Variants in PLD5 observed in about 807,000 individuals in gnomAD.
The protein encoded by PLD5 is phospholipase D family member 5.
PLD5 carries 36 observed loss-of-function variants against 61.1 expected under a neutral mutation model. That is an observed-to-expected ratio of 0.59 (90% CI 0.45 to 0.78). The LOEUF is 0.78. PLD5 is among the 30% of genes least tolerant of loss of function. PLD5 has a pLI of 0.00. For synonymous variants in PLD5, 243 were observed against 242.8 expected (o/e 1.00, Z -0.01); for missense variants, 515 against 644.4 (o/e 0.80, Z 2.17).
intron 1 of PLD5, among the ~76,000 whole-genome samples, chr1:242,475,296 G>A (rs1212988664): frequency 4.6e-5 from 7 of 151,856 alleles, no homozygotes; most frequent in African/African-American, 1.2e-4. Flanking sequence ...GGTGGCGGGC[G>A]CCTGTAGTCC....
intron 5 of PLD5, among the ~76,000 whole-genome samples, chr1:242,211,395 A>G (rs1433587554): frequency 6.6e-6 from 1 of 152,228 alleles, no homozygotes; most frequent in Non-Finnish European, 1.5e-5. Flanking sequence ...TTGTTTACTC[A>G]TGTGGTCCTA....
At chr1:242,293,893 T>G (rs1675508494) in intron 2 of PLD5, among the ~76,000 whole-genome samples, 1 of 152,194 alleles carries the variant, frequency 6.6e-6, no homozygotes, top group South Asian at 2.1e-4. Flanking sequence ...AGCTTTGAAA[T>G]GACTTATTTC....
chr1:242,465,385 T>G (rs1408799600), intron 1 of PLD5, among the ~76,000 whole-genome samples: 23 of 152,188 alleles, frequency 1.5e-4, no homozygotes. Flanking sequence ...CTTATCACCT[T>G]ATAACCTATA....
chr1:242,315,009 G>C (rs1676925017), intron 2 of PLD5, among the ~76,000 whole-genome samples: 1 of 152,134 alleles, frequency 6.6e-6, no homozygotes, highest in African/African-American at 2.4e-5. Flanking sequence ...TCCTTATTGT[G>C]TTCCCACACC....
At chr1:242,409,433 C>G (rs147482886) in intron 1 of PLD5, among the ~76,000 whole-genome samples, 3 of 151,500 alleles carry the variant, frequency 2.0e-5, no homozygotes, top group Admixed American at 6.6e-5. Context: ...GGAAAATTGT[C>G]CATGTTGCCT....
intron 2 of PLD5, among the ~76,000 whole-genome samples, chr1:242,299,612 T>G (rs2149158166): frequency 6.6e-6 from 1 of 152,308 alleles, no homozygotes; most frequent in African/African-American, 2.4e-5. Flanking sequence ...AAATTCTGGG[T>G]GTTTTTCCCC....
At chr1:242,411,399 C>A (rs1664549065) in intron 1 of PLD5, among the ~76,000 whole-genome samples, 1 of 152,272 alleles carries the variant, frequency 6.6e-6, no homozygotes, top group South Asian at 2.1e-4. Context: ...CCACGCCCGG[C>A]TAATTTTTTG....
rs374530055 is a variant in PLD5, at chr1:242,092,574, C to G, written c.1355-2464G>C. On this transcript the variant is annotated intron_variant, in intron 9 of 9. Coordinates refer to ENST00000536534, the MANE Select transcript of PLD5 (RefSeq NM_001372062.1). ...CTTCTTTGGGTAAGAGCTGATTCCA[C>G]AAAGGGAACTGGCAGGCTTTAGGTG... Among the ~76,000 whole-genome samples, 246 of 152,320 alleles carry G rather than the reference C, an allele frequency of 1.6e-3. 4 individuals carry two copies. The Middle Eastern group carries it at 0.017, about 11-fold the overall frequency.
rs1433102779 is a variant in PLD5, at chr1:242,088,335, C to A, written c.*1519G>T. 2.0e-5 allele frequency: 3 copies of A among 152,170 alleles called. No homozygotes were observed. Among genetic ancestry groups the A allele is most frequent in the Non-Finnish European group, 4.4e-5 (3 of 68,036 alleles). 9.4% of individuals were successfully genotyped at this position (152,170 alleles called of 1,614,324 possible). On this transcript the variant is annotated 3_prime_UTR_variant, in exon 10 of 10. Transcript: ENST00000536534. ...GTGCTCTTTTCATCCACATTTGCAA[C>A]AGGAAGCTGTGAATTTGTTTTCCTT... is the stretch of plus-strand genomic sequence containing the variant.
intron 1 of PLD5, among the ~76,000 whole-genome samples, chr1:242,368,648 G>C (rs1661470210): frequency 6.6e-6 from 1 of 152,104 alleles, no homozygotes; most frequent in East Asian, 1.9e-4. Flanking sequence ...ATGCAGGTGG[G>C]TTCTCTGCCT....
intron 5 of PLD5, among the ~76,000 whole-genome samples, chr1:242,186,278 G>A (rs1036814729): frequency 2.6e-5 from 4 of 152,006 alleles, no homozygotes; most frequent in African/African-American, 9.7e-5. Flanking sequence ...CACCTCCCGG[G>A]TTCAAGCGAA....
chr1:242,388,570 G>A (rs12092909), intron 1 of PLD5, among the ~76,000 whole-genome samples: 2,205 of 152,208 alleles, frequency 0.014, 61 homozygotes, highest in African/African-American at 0.05. Context: ...TTACTGAGGC[G>A]GCATAGTAGG....
At chr1:242,120,510 G>A (rs1662283429) in intron 6 of PLD5, among the ~76,000 whole-genome samples, 3 of 152,030 alleles carry the variant, frequency 2.0e-5, no homozygotes, top group Admixed American at 2.0e-4. Flanking sequence ...TCTCTGTAAG[G>A]CTGTTAAACT....
At chr1:242,462,587 T>A (rs1667151429) in intron 1 of PLD5, among the ~76,000 whole-genome samples, 1 of 145,036 alleles carries the variant, frequency 6.9e-6, no homozygotes, top group Non-Finnish European at 1.5e-5. Context: ...TGGACCCCCC[T>A]GTATCTAAAA....
chr1:242,098,307 A>T (rs1035048731), intron 9 of PLD5, among the ~76,000 whole-genome samples: 1 of 152,066 alleles, frequency 6.6e-6, no homozygotes, highest in Non-Finnish European at 1.5e-5. Context: ...CATTTCATTC[A>T]TCTGATCTTC....
intron 5 of PLD5, among the ~76,000 whole-genome samples, chr1:242,173,156 C>G (rs1245133548): frequency 6.6e-6 from 1 of 152,108 alleles, no homozygotes; most frequent in Non-Finnish European, 1.5e-5. Flanking sequence ...TAGAAAACCC[C>G]ATCGTCTCAG....
chr1:242,104,865 G>A (rs1011720766), intron 8 of PLD5, among the ~76,000 whole-genome samples: 11 of 152,172 alleles, frequency 7.2e-5, no homozygotes, highest in Non-Finnish European at 7.3e-5. Flanking sequence ...ATTTAATTCA[G>A]TGCCTGGATA....
chr1:242,162,187 GAT>G (rs1482617216), intron 5 of PLD5, among the ~76,000 whole-genome samples: 5 of 152,140 alleles, frequency 3.3e-5, no homozygotes, highest in Non-Finnish European at 5.9e-5. Context: ...AATGTCAAAA[GAT>G]TGACATCACA....
In PLD5 at chr1:242,124,635, A is replaced by C; in HGVS notation, c.766T>G (p.Cys256Gly). Reference sequence around the variant, plus strand: ...TGTAAATCTAGGACCAGGCAGCTGCAGTTGTAGAAGATGACACCGAGTTCT... The same window carrying C: ...TGTAAATCTAGGACCAGGCAGCTGCCGTTGTAGAAGATGACACCGAGTTCT... ...MKELGVIFYN[C>G]SCLVLDLQRI... The change falls in exon 6 of 10, where the codon TGC (cysteine) becomes GGC (glycine). Residue 256 changes from cysteine (C) to glycine (G), a missense_variant. By Grantham distance (159) the Cys-to-Gly change is radical. This residue lies in a region of PLD5 where 450 missense variants were observed against 598.1 expected (regional missense o/e 0.75). Coordinates refer to ENST00000536534, the MANE Select transcript of PLD5 (RefSeq NM_001372062.1). 2 of 1,613,856 alleles carry C rather than the reference A, an allele frequency of 1.2e-6. No homozygotes were observed. Among genetic ancestry groups the C allele is most frequent in the Non-Finnish European group, 1.7e-6 (2 of 1,179,834 alleles).
Sources: gnomAD v4.1 joint callset for allele counts (sites outside exome capture counted in the v4.1 genomes callset) on GRCh38, gnomAD v4.1.1 for gene constraint, gnomAD v4.1.1 regional missense constraint, MANE v1.5 for transcripts, NCBI Gene and HGNC (gene_info 2026-07-23, HGNC 2026-07-21) for gene names.